GLIS3: variants seen among roughly 807,000 people sequenced by gnomAD.
GLIS3 encodes zinc finger protein GLIS3.
Under a neutral mutation model 78.6 loss-of-function variants are expected in GLIS3, and 53 were observed. The observed-to-expected ratio is 0.67, with a 90% CI of 0.54 to 0.85. GLIS3 has a LOEUF of 0.85. GLIS3 is among the 40% of genes least tolerant of loss of function. The pLI, the probability that GLIS3 is intolerant of heterozygous loss-of-function variation, is 0.00. For missense variants in GLIS3, 1,703 were observed against 1,231.1 expected, an observed-to-expected ratio of 1.38 and a Z score of -5.74; for synonymous variants, 684 against 509.9, an observed-to-expected ratio of 1.34 and a Z score of -4.60.
chr9:4,431,100 T>C, the GLIS3 span, among the ~76,000 whole-genome samples: 3 of 152,244 alleles, frequency 2.0e-5, no homozygotes, highest in African/African-American at 4.8e-5. Flanking sequence ...CCGTTCTTAC[T>C]GACTCAGTTA....
the GLIS3 span, among the ~76,000 whole-genome samples, chr9:4,405,807 A>G: frequency 0.99 from 149,981 of 152,124 alleles, 73,978 homozygotes; most frequent in East Asian, 1. Context: ...GAATATTGAT[A>G]CAAAAATCCT....
intron 4 of GLIS3, among the ~76,000 whole-genome samples, chr9:4,056,555 C>T (rs982818813): frequency 2.0e-5 from 3 of 151,808 alleles, no homozygotes; most frequent in Non-Finnish European, 4.4e-5. Context: ...TTCTACGAAG[C>T]CAGACTTTGG....
chr9:3,858,857 A>G (rs1368708086), intron 8 of GLIS3, among the ~76,000 whole-genome samples: 6 of 152,166 alleles, frequency 3.9e-5, no homozygotes, highest in Admixed American at 2.0e-4. Context: ...AAGTGTATAT[A>G]TAGGATTGAT....
chr9:3,929,807 G>T (rs952506179), intron 6 of GLIS3, among the ~76,000 whole-genome samples: 2 of 152,132 alleles, frequency 1.3e-5, no homozygotes, highest in Admixed American at 6.5e-5. Context: ...AGGCTTTTTT[G>T]AAATGAGGCC....
chr9:4,400,167 A>G, the GLIS3 span, among the ~76,000 whole-genome samples: 3,062 of 152,314 alleles, frequency 0.02, 50 homozygotes, highest in Non-Finnish European at 0.028. Context: ...CTCTTCCCCT[A>G]TCGCTTCTCG....
intron 4 of GLIS3, among the ~76,000 whole-genome samples, chr9:4,073,667 C>A (rs1337364032): frequency 1.3e-5 from 2 of 152,166 alleles, no homozygotes; most frequent in African/African-American, 4.8e-5. Flanking sequence ...CCTCCCTAAC[C>A]CTGACCAGGA....
At chr9:4,377,924 A>G in the GLIS3 span, among the ~76,000 whole-genome samples, 1 of 152,176 alleles carries the variant, frequency 6.6e-6, no homozygotes, top group African/African-American at 2.4e-5. Flanking sequence ...TATTTATAAT[A>G]GCAACCAATA....
In GLIS3 at chr9:3,949,946, C is replaced by T. The variant is rs553819666; in HGVS notation, c.1711-12757G>A. Among the ~76,000 whole-genome samples, 8 of 152,252 alleles carry T rather than the reference C, an allele frequency of 5.3e-5. No homozygotes were observed. The South Asian group carries it at 1.7e-3, about 32-fold the overall frequency. On this transcript the variant is annotated intron_variant, in intron 4 of 10. Coordinates refer to ENST00000381971, the MANE Select transcript of GLIS3 (RefSeq NM_001042413.2). Reference sequence around the variant, plus strand: ...TAGACCTCTCCTCTGAATGCCAAGCCCTACTGCCTATTCAACATCTCTACA... The same window carrying T: ...TAGACCTCTCCTCTGAATGCCAAGCTCTACTGCCTATTCAACATCTCTACA...
At chr9:4,205,695 C>G (rs1284322826) in intron 2 of GLIS3, among the ~76,000 whole-genome samples, 3 of 152,124 alleles carry the variant, frequency 2.0e-5, no homozygotes, top group East Asian at 3.8e-4. Context: ...AAGGCCAGCA[C>G]CCACTTTAGG....
At chr9:3,852,268 C>A (rs183337276) in intron 9 of GLIS3, among the ~76,000 whole-genome samples, 37 of 152,304 alleles carry the variant, frequency 2.4e-4, no homozygotes, top group African/African-American at 8.7e-4. Flanking sequence ...GTTCTTGTCT[C>A]TAAAAATACA....
At chr9:4,280,593 A>C (rs1344957974) in intron 2 of GLIS3, among the ~76,000 whole-genome samples, 2 of 152,242 alleles carry the variant, frequency 1.3e-5, no homozygotes, top group South Asian at 2.1e-4. Context: ...ATTCAGCGTC[A>C]AAGAATGAAT....
intron 2 of GLIS3, among the ~76,000 whole-genome samples, chr9:4,334,323 C>A (rs529648572): frequency 6.6e-6 from 1 of 152,126 alleles, no homozygotes; most frequent in African/African-American, 2.4e-5. Flanking sequence ...CAGAACCTCT[C>A]AAAACAAGCA....
At chr9:4,160,696 T>A (rs1366065480) in intron 2 of GLIS3, among the ~76,000 whole-genome samples, 1 of 152,226 alleles carries the variant, frequency 6.6e-6, no homozygotes, top group Non-Finnish European at 1.5e-5. Context: ...TCAATATTTA[T>A]CCCAGATTAC....
At chr9:3,837,445 A>G (rs1447645004) in intron 9 of GLIS3, among the ~76,000 whole-genome samples, 1 of 152,224 alleles carries the variant, frequency 6.6e-6, no homozygotes, top group East Asian at 1.9e-4. Context: ...TGGAAAACTT[A>G]TGTCCATACA....
At chr9:4,379,147 G>A in the GLIS3 span, among the ~76,000 whole-genome samples, 4 of 152,156 alleles carry the variant, frequency 2.6e-5, no homozygotes, top group East Asian at 1.9e-4. Context: ...GTTGTCCAGC[G>A]CCCCATCACT....
At chr9:4,241,812 A>G (rs1823346421) in intron 2 of GLIS3, among the ~76,000 whole-genome samples, 1 of 152,036 alleles carries the variant, frequency 6.6e-6, no homozygotes. Flanking sequence ...CCTCCCAAGT[A>G]GGTGTGATTA....
intron 8 of GLIS3, among the ~76,000 whole-genome samples, chr9:3,876,861 A>G (rs1056381039): frequency 2.0e-5 from 3 of 151,626 alleles, no homozygotes; most frequent in African/African-American, 7.3e-5. Flanking sequence ...AAACACACAA[A>G]CCTCAAGCAG....
At chr9:4,364,918 G>T in the GLIS3 span, among the ~76,000 whole-genome samples, 1 of 151,880 alleles carries the variant, frequency 6.6e-6, no homozygotes, top group Non-Finnish European at 1.5e-5. Context: ...CAAGTAGCCA[G>T]AACTACAGGT....
chr9:4,099,822 A>C (rs190545186), intron 4 of GLIS3, among the ~76,000 whole-genome samples: 1 of 152,260 alleles, frequency 6.6e-6, no homozygotes, highest in Non-Finnish European at 1.5e-5. Context: ...TCCACAGAGA[A>C]TTTAAATTGA....
Sources: gnomAD v4.1 joint callset for allele counts (sites outside exome capture counted in the v4.1 genomes callset) on GRCh38, gnomAD v4.1.1 for gene constraint, MANE v1.5 for transcripts, NCBI Gene and HGNC (gene_info 2026-07-23, HGNC 2026-07-21) for gene names.